Variants in RGS22 observed in about 807,000 individuals in gnomAD.
The protein encoded by RGS22 is regulator of G-protein signaling 22.
RGS22 carries 148 observed loss-of-function variants against 172.9 expected under a neutral mutation model. That is an observed-to-expected ratio of 0.86 (90% confidence interval 0.75 to 0.98). The LOEUF is 0.98. Among genes scored for constraint, RGS22 ranks in the 50% least tolerant of loss-of-function variants. The probability of loss-of-function intolerance (pLI) is 0.00; values close to 1 mark genes in which losing one functional copy is unlikely to be tolerated. For missense variants in RGS22, 1,347 were observed against 1,440.8 expected (o/e 0.93, Z 1.05); for synonymous variants, 458 against 480.2 (o/e 0.95, Z 0.60).
At position 99,962,691 on chromosome 8, in the gene RGS22, G is replaced by A. The variant is rs745969336; in HGVS notation, c.3786C>T (p.Ser1262=). The part of the protein sequence containing the change: ...SLKKNMSAHS[S]QK Reference sequence around the variant, plus strand: ...TAGACTACACTGGAAACTCACTCTGGCTGCTGTGGGCAGACATATTCTTTT... The same window carrying A: ...TAGACTACACTGGAAACTCACTCTGACTGCTGTGGGCAGACATATTCTTTT... The change falls in exon 26 of 28, where the codon AGC becomes AGT. Residue 1262 remains serine (S), a synonymous_variant. Coordinates refer to ENST00000360863, the MANE Select transcript of RGS22 (RefSeq NM_015668.5). The A allele has an allele frequency of 6.3e-7, 1 of 1,599,146 alleles. No individual in the cohort carries two copies. The highest frequency in any genetic ancestry group is 8.5e-7 in the Non-Finnish European group (1 of 1,175,978).
intron 15 of RGS22, among the ~76,000 whole-genome samples, chr8:100,007,201 C>T (rs368035047): frequency 4.9e-4 from 74 of 152,170 alleles, no homozygotes; most frequent in African/African-American, 1.4e-3. Context: ...TTTTGTATGA[C>T]GATCTAAGAA....
chr8:100,093,925 A>G (rs1425811072), intron 2 of RGS22, among the ~76,000 whole-genome samples: 2 of 152,234 alleles, frequency 1.3e-5, no homozygotes, highest in Non-Finnish European at 2.9e-5. Flanking sequence ...TGGAGCCCAA[A>G]TGAAATTGAG....
In RGS22 at chr8:100,068,842, G is replaced by A. The variant is rs185975876; in HGVS notation, c.594+2527C>T. Among the ~76,000 whole-genome samples the A allele has an allele frequency of 2.7e-3, 414 of 151,896 alleles. 2 individuals are homozygous for A. The highest frequency in any genetic ancestry group is 9.7e-3 in the African/African-American group (400 of 41,398). On this transcript the variant is annotated intron_variant, in intron 6 of 27. Coordinates refer to ENST00000360863, the MANE Select transcript of RGS22 (RefSeq NM_015668.5). ...CCAGCTACTTGGGGGGCAGAGGCAG[G>A]AGGATCCCTTGAACCTTGGGAGGTC...
intron 14 of RGS22, among the ~76,000 whole-genome samples, chr8:100,034,464 G>C (rs1403396250): frequency 1.3e-5 from 2 of 152,162 alleles, no homozygotes; most frequent in African/African-American, 4.8e-5. Context: ...CGAAATAAAA[G>C]AGGACACAAA....
At chr8:100,085,789 CACATA>C (rs1263923384) in intron 3 of RGS22, among the ~76,000 whole-genome samples, 3 of 152,322 alleles carry the variant, frequency 2.0e-5, no homozygotes, top group Admixed American at 6.5e-5. Flanking sequence ...AGGGCACATA[CACATA>C]GATTGGTACA....
rs375083292 is a variant in RGS22, at chr8:100,064,011, T to C, written c.757A>G (p.Arg253Gly). The change falls in exon 8 of 28, where the codon AGG becomes GGG. Residue 253 changes from arginine (R) to glycine (G), a missense_variant. Transcript: ENST00000360863. ...GTTTTAGATGGGTCCTTTTTTGTCCTAGGGTGAACTCCATCATCAAAGATA... is the reference window on the plus strand; with the variant it reads ...GTTTTAGATGGGTCCTTTTTTGTCCCAGGGTGAACTCCATCATCAAAGATA... ...NFIFDDGVHP[R>G]TKKDPSKTNK... The C allele has an allele frequency of 5.9e-6, 9 of 1,526,336 alleles. No homozygotes were observed. Among genetic ancestry groups the C allele is most frequent in the Non-Finnish European group, 7.9e-6 (9 of 1,142,234 alleles). 94.5% of individuals were successfully genotyped at this position (1,526,336 alleles called of 1,614,324 possible). A position where few individuals can be genotyped will look rare whatever the true frequency, so the allele number is the denominator to read the frequency against.
At chr8:100,008,315 G>A in intron 15 of RGS22, 60 bp downstream of exon 15, 7 of 1,492,212 alleles carry the variant, frequency 4.7e-6, no homozygotes, top group Non-Finnish European at 6.4e-6. Flanking sequence ...TGGGATAACA[G>A]GCGTCAGTAT....
At chr8:100,061,678 A>C (rs536428692) in intron 9 of RGS22, among the ~76,000 whole-genome samples, 1 of 152,334 alleles carries the variant, frequency 6.6e-6, no homozygotes, top group East Asian at 1.9e-4. Context: ...GAGAAAAAGG[A>C]AGACTTATAC....
intron 21 of RGS22, 35 bp downstream of exon 21, chr8:99,987,423 A>G (rs566742873): frequency 1.2e-4 from 179 of 1,508,442 alleles, no homozygotes; most frequent in South Asian, 1.0e-3. Context: ...TTCCTCCTCA[A>G]AACAGGTGGT....
In RGS22 at chr8:100,038,120, T is replaced by C. The variant is rs150419011; in HGVS notation, c.2166+811A>G. Among the ~76,000 whole-genome samples, 1,179 of 152,298 alleles carry C rather than the reference T, an allele frequency of 7.7e-3. 21 individuals are homozygous for C. Among genetic ancestry groups the C allele is most frequent in the Non-Finnish European group, 9.6e-3 (650 of 68,010 alleles). ...TCCTCTGGAATGCAGTTATTCTGGA[T>C]TGTAAGAATCACTTAAGTGGTGAAC... On this transcript the variant is annotated intron_variant, in intron 14 of 27. Coordinates refer to ENST00000360863, the MANE Select transcript of RGS22 (RefSeq NM_015668.5).
chr8:100,012,715 C>A (rs919401562), intron 14 of RGS22, among the ~76,000 whole-genome samples: 1 of 152,094 alleles, frequency 6.6e-6, no homozygotes. Context: ...AAATTAACAA[C>A]ATTTAAAAAT....
chr8:100,053,105 A>G (rs1360601999), intron 9 of RGS22, 129 bp from the exon 10 acceptor site: 19 of 811,624 alleles, frequency 2.3e-5, no homozygotes, highest in Non-Finnish European at 3.7e-5. Flanking sequence ...AACAACTTTT[A>G]CTTCTTTCTC....
intron 2 of RGS22, 41 bp from the exon 3 acceptor site, chr8:100,093,550 C>T (rs1812747318): frequency 8.1e-7 from 1 of 1,234,104 alleles, no homozygotes; most frequent in South Asian, 1.3e-5. Context: ...TATAATTATA[C>T]ATTTTAAATC....
In RGS22 at chr8:100,105,884, G is replaced by T; in HGVS notation, c.25+13C>A. Reference sequence around the variant, plus strand: ...GCGGGCTGATCCTCTGTCCCTGTGGGGCCGCCACCTACCCGCGGTGAGCCT... The same window carrying T: ...GCGGGCTGATCCTCTGTCCCTGTGGTGCCGCCACCTACCCGCGGTGAGCCT... On this transcript the variant is annotated intron_variant, in intron 1 of 27. Coordinates refer to ENST00000360863, the MANE Select transcript of RGS22 (RefSeq NM_015668.5). 2 of 1,504,116 alleles carry T rather than the reference G, an allele frequency of 1.3e-6. No homozygotes were observed. The highest frequency in any genetic ancestry group is 2.5e-5 in the South Asian group (2 of 79,622). 93.2% of individuals were successfully genotyped at this position (1,504,116 alleles called of 1,614,324 possible). A position where few individuals can be genotyped will look rare whatever the true frequency, so the allele number is the denominator to read the frequency against.
rs146486811 is a variant in RGS22 at position 100,043,804 on chromosome 8, A to C, written c.1824-1888T>G. On this transcript the variant is annotated intron_variant, in intron 11 of 27. Coordinates refer to ENST00000360863, the MANE Select transcript of RGS22 (RefSeq NM_015668.5). ...AAACAAAAAACAAAACAAAACAAAA[A>C]AAACCACAAAAACAACAAAAATCTT... 5.3e-3 allele frequency among the ~76,000 whole-genome samples: 811 copies of C among 152,108 alleles called. 5 individuals carry two copies. Among genetic ancestry groups the C allele is most frequent in the African/African-American group, 0.018 (740 of 41,508 alleles).
chr8:100,027,121 T>C (rs533864327), intron 14 of RGS22, among the ~76,000 whole-genome samples: 94 of 152,038 alleles, frequency 6.2e-4, no homozygotes, highest in African/African-American at 1.7e-3. Context: ...AGGGGAATCA[T>C]AGGGGGCACC....
intron 17 of RGS22, chr8:100,002,831 A>C (rs1285752443): frequency 6.4e-6 from 1 of 155,918 alleles, no homozygotes; most frequent in Non-Finnish European, 1.4e-5. Context: ...CAAGGCAGGC[A>C]GGCAGATCAC....
intron 4 of RGS22, among the ~76,000 whole-genome samples, chr8:100,078,863 G>A (rs745582443): frequency 2.6e-5 from 4 of 152,196 alleles, no homozygotes; most frequent in Non-Finnish European, 5.9e-5. Flanking sequence ...CTGAGCTCAG[G>A]CAATCCACCT....
intron 14 of RGS22, among the ~76,000 whole-genome samples, chr8:100,027,671 T>C (rs2131509383): frequency 6.6e-6 from 1 of 152,142 alleles, no homozygotes; most frequent in East Asian, 1.9e-4. Flanking sequence ...TTAGTAGAGA[T>C]GGGGTTTCGC....
Sources: allele counts gnomAD v4.1 joint callset (sites outside exome capture counted in the v4.1 genomes callset), GRCh38; gene constraint gnomAD v4.1.1; transcripts MANE v1.5; gene names NCBI Gene and HGNC (gene_info 2026-07-23, HGNC 2026-07-21).